The following TMEM222 variants were observed in gnomAD, a reference collection of about 807,000 sequenced individuals.
TMEM222 encodes chromosome 1 open reading frame 160.
Under a neutral mutation model 25.1 loss-of-function variants are expected in TMEM222, and 18 were observed. The ratio of observed to expected loss-of-function variants is 0.72; its 90% CI spans 0.50 to 1.06. The LOEUF (loss-of-function observed/expected upper bound fraction) is 1.06. Among genes scored for constraint, TMEM222 ranks in the 50% least tolerant of loss-of-function variants. TMEM222 has a pLI of 0.00. For missense variants in TMEM222, 296 were observed against 293.7 expected (o/e 1.01, Z -0.06); for synonymous variants, 131 against 117.9 (o/e 1.11, Z -0.72).
chr1:27,325,757 C>T (rs1308622651), intron 1 of TMEM222: 11 of 855,342 alleles, frequency 1.3e-5, no homozygotes, highest in South Asian at 2.6e-5. Context: ...AGGAGTATGA[C>T]GAGTCAGGCC....
At position 27,322,186 on chromosome 1, in the gene TMEM222, G is replaced by A. The variant is rs1448611208; in HGVS notation, c.-12G>A. The A allele has an allele frequency of 2.2e-6, 3 of 1,381,696 alleles. No homozygotes were observed. The highest frequency in any genetic ancestry group is 1.5e-5 in the African/African-American group (1 of 67,116). 85.6% of individuals were successfully genotyped at this position (1,381,696 alleles called of 1,614,324 possible). ...CCAGAGCCGGGGCCAGTCGGAGCGG[G>A]GCGCGCGCCGCATGGCGGAAGCGGA... On this transcript the variant is annotated 5_prime_UTR_variant, in exon 1 of 6. Coordinates refer to ENST00000374076, the MANE Select transcript of TMEM222 (RefSeq NM_032125.3).
intron 2 of TMEM222, among the ~76,000 whole-genome samples, chr1:27,331,463 A>G (rs561577006): frequency 1.3e-5 from 2 of 152,330 alleles, no homozygotes; most frequent in East Asian, 3.9e-4. Context: ...TTTTATGGTG[A>G]TTAATCATTG....
At chr1:27,324,249 G>C (rs1401179492) in intron 1 of TMEM222, among the ~76,000 whole-genome samples, 1 of 152,320 alleles carries the variant, frequency 6.6e-6, no homozygotes, top group Admixed American at 6.5e-5. Flanking sequence ...ACTTGAACCC[G>C]GGAGGTGGAG....
chr1:27,323,240 G>T (rs954212874), intron 1 of TMEM222, among the ~76,000 whole-genome samples: 1 of 152,198 alleles, frequency 6.6e-6, no homozygotes, highest in Non-Finnish European at 1.5e-5. Flanking sequence ...ATAAGCAAAG[G>T]CATGAAGAGC....
In TMEM222 at chr1:27,335,572, G is replaced by A; in HGVS notation, c.*106G>A. On this transcript the variant is annotated 3_prime_UTR_variant, in exon 6 of 6. Coordinates refer to ENST00000374076, the MANE Select transcript of TMEM222 (RefSeq NM_032125.3). ...CACCCCAAAAGGCAGGGTTGGGCCT[G>A]CTGTTGTGGACCGGGGGTCGGGGCT... The A allele has an allele frequency of 8.7e-7, 1 of 1,150,118 alleles. No individual in the cohort carries two copies. Among genetic ancestry groups the A allele is most frequent in the Non-Finnish European group, 1.3e-6 (1 of 786,226 alleles). The allele number at this position is 1,150,118 out of a possible 1,614,324, so 71.2% of individuals were successfully genotyped here. A position where few individuals can be genotyped will look rare whatever the true frequency, so the allele number is the denominator to read the frequency against.
chr1:27,322,334 A>G lies in TMEM222; in HGVS notation c.137A>G (p.Asp46Gly). ...QYQGSGGVAM[D>G]VERSRFPYCV... The stretch of plus-strand genomic sequence containing the variant: ...CAAGGCTCCGGCGGCGTCGCCATGG[A>G]TGTGGAACGGAGTCGCTTCCCCTAC... Residue 46 changes from aspartate (D) to glycine (G), a missense_variant, in exon 1 of 6, where the codon GAT becomes GGT. Asp to Gly is a moderately conservative substitution (Grantham distance 94). Coordinates refer to ENST00000374076, the MANE Select transcript of TMEM222 (RefSeq NM_032125.3). 1 of 1,541,924 alleles carries G rather than the reference A, an allele frequency of 6.5e-7. No individual in the cohort carries two copies. Among genetic ancestry groups the G allele is most frequent in the Non-Finnish European group, 8.8e-7 (1 of 1,140,288 alleles).
intron 2 of TMEM222, 64 bp downstream of exon 2, chr1:27,330,868 C>G: frequency 6.2e-7 from 1 of 1,600,954 alleles, no homozygotes; most frequent in South Asian, 1.1e-5. Flanking sequence ...TCCTGTCTTG[C>G]CTGCAGGCAG....
chr1:27,322,283 C>T lies in TMEM222; in HGVS notation c.86C>T (p.Ala29Val), dbSNP rs1034847273. The change falls in exon 1 of 6, where the codon GCG (alanine) becomes GTG (valine). Residue 29 changes from alanine (A) to valine (V), a missense_variant. Transcript: ENST00000374076. ...ATGGCGGAAGTGGAGGCGCCGACGG[C>T]GGCCGAGACGGACATGAAGCAATAT... ...PRMAEVEAPTAAETDMKQYQG... is the reference protein window; with the variant it reads ...PRMAEVEAPTVAETDMKQYQG... 16 of 1,549,406 alleles carry T rather than the reference C, an allele frequency of 1.0e-5. No individual in the cohort carries two copies. In the African/African-American group the frequency reaches 1.8e-4, roughly 17 times the overall value.
At chr1:27,333,899 C>A in intron 3 of TMEM222, 59 bp from the exon 4 acceptor site, 1 of 1,506,124 alleles carries the variant, frequency 6.6e-7, no homozygotes, top group Non-Finnish European at 9.1e-7. Flanking sequence ...AGAGGACGTG[C>A]GTAGAGCTGA....
At chr1:27,323,819 C>T (rs2014271780) in intron 1 of TMEM222, among the ~76,000 whole-genome samples, 1 of 152,194 alleles carries the variant, frequency 6.6e-6, no homozygotes, top group African/African-American at 2.4e-5. Context: ...CACATTAATT[C>T]ATTCAGTGTT....
Position 27,322,196 on chromosome 1 carries a change from G to T in TMEM222, c.-2G>T. The T allele has an allele frequency of 7.2e-7, 1 of 1,389,436 alleles. No individual in the cohort carries two copies. Among genetic ancestry groups the T allele is most frequent in the Non-Finnish European group, 9.4e-7 (1 of 1,060,930 alleles). The allele number at this position is 1,389,436 out of a possible 1,614,324, so 86.1% of individuals were successfully genotyped here. On this transcript the variant is annotated 5_prime_UTR_variant, in exon 1 of 6. Coordinates refer to ENST00000374076, the MANE Select transcript of TMEM222 (RefSeq NM_032125.3). ...GGCCAGTCGGAGCGGGGCGCGCGCC[G>T]CATGGCGGAAGCGGAAGGGAGTTCT... is the stretch of plus-strand genomic sequence containing the variant.
chr1:27,335,922 C>A lies in TMEM222; in HGVS notation c.*456C>A. 1 of 179,352 alleles carries A rather than the reference C, an allele frequency of 5.6e-6. No individual in the cohort carries two copies. The allele number at this position is 179,352 out of a possible 1,614,324, so 11.1% of individuals were successfully genotyped here. On this transcript the variant is annotated 3_prime_UTR_variant, in exon 6 of 6. Coordinates refer to ENST00000374076, the MANE Select transcript of TMEM222 (RefSeq NM_032125.3). ...TCTATAAGCCAAGTTGCTTCAGGAC[C>A]TTCACCACTGGCCTCTAGAATGGTC...
rs79818529 is a variant in TMEM222 at position 27,333,012 on chromosome 1, C to T, written c.311+911C>T. On this transcript the variant is annotated intron_variant, in intron 3 of 5. Coordinates refer to ENST00000374076, the MANE Select transcript of TMEM222 (RefSeq NM_032125.3). ...CTTGGCCTGAGACCCACCGGGCACT[C>T]TGGTGCTTGGAACAGCAATTCTCAC... 29 of 301,928 alleles carry T rather than the reference C, an allele frequency of 9.6e-5. 1 individual carries two copies. The highest frequency in any genetic ancestry group is 8.0e-4 in the East Asian group (10 of 12,574). 18.7% of individuals were successfully genotyped at this position (301,928 alleles called of 1,614,324 possible).
intron 1 of TMEM222, among the ~76,000 whole-genome samples, chr1:27,327,411 CAG>C (rs1408566093): frequency 6.6e-6 from 1 of 152,136 alleles, no homozygotes; most frequent in Non-Finnish European, 1.5e-5. Context: ...TATTTAGAGA[CAG>C]AGTCTTGCTC....
In TMEM222 at chr1:27,334,408, G is replaced by A. The variant is rs149723895; in HGVS notation, c.539+127G>A. On this transcript the variant is annotated intron_variant, in intron 5 of 5. Transcript: ENST00000374076. ...GTTGGAACAGATGCCAGTTGGAGCC[G>A]TGGTGGTTCTAGAGTGACGAGCTGA... The A allele has an allele frequency of 3.5e-4, 514 of 1,457,286 alleles. 4 individuals carry two copies. The East Asian group carries it at 9.7e-3, about 27-fold the overall frequency. The allele number at this position is 1,457,286 out of a possible 1,614,324, so 90.3% of individuals were successfully genotyped here.
At chr1:27,332,450 C>A in intron 3 of TMEM222, 1 of 718,158 alleles carries the variant, frequency 1.4e-6, no homozygotes, top group Non-Finnish European at 2.6e-6. Flanking sequence ...CCTCTAGACT[C>A]ACTCTCCTGC....
At chr1:27,332,719 G>T (rs533999775) in intron 3 of TMEM222, 1 of 587,640 alleles carries the variant, frequency 1.7e-6, no homozygotes, top group Non-Finnish European at 3.1e-6. Context: ...GGGCCGAGGA[G>T]GAGTTGGTGT....
rs1195143433 is a variant in TMEM222, at chr1:27,325,313, G to A, written c.194+2922G>A. ...AGGATGACATGCAGATTCGTGAAGC[G>A]TTCCATATTTTTGTCTCCCTGGACT... On this transcript the variant is annotated intron_variant, in intron 1 of 5. Transcript: ENST00000374076. The A allele has an allele frequency of 4.4e-5, 30 of 676,664 alleles. No homozygotes were observed. The East Asian group carries it at 5.4e-4, about 12-fold the overall frequency. 41.9% of individuals were successfully genotyped at this position (676,664 alleles called of 1,614,324 possible).
intron 1 of TMEM222, among the ~76,000 whole-genome samples, chr1:27,328,669 C>T (rs1196151825): frequency 6.6e-6 from 1 of 152,234 alleles, no homozygotes; most frequent in East Asian, 1.9e-4. Context: ...GGCCTCTCCC[C>T]CTTTCGTTCT....
Sources: gnomAD v4.1 joint callset for allele counts (sites outside exome capture counted in the v4.1 genomes callset) on GRCh38, gnomAD v4.1.1 for gene constraint, MANE v1.5 for transcripts, NCBI Gene and HGNC (gene_info 2026-07-23, HGNC 2026-07-21) for gene names.